TTC28: variants seen among roughly 807,000 people sequenced by gnomAD.
The protein encoded by TTC28 is tetratricopeptide repeat protein 28.
TTC28 carries 61 observed loss-of-function variants against 198.0 expected under a neutral mutation model. That is an observed-to-expected ratio of 0.31 (90% CI 0.25 to 0.38). The LOEUF (loss-of-function observed/expected upper bound fraction) is 0.38, where lower values mean the gene tolerates loss of function less well. Among genes scored for constraint, TTC28 ranks in the 10% least tolerant of loss-of-function variants. TTC28 has a pLI of 1.00. For synonymous variants in TTC28, 1,171 were observed against 1,297.8 expected (o/e 0.90, Z 2.10); for missense variants, 2,678 against 3,164.0 (o/e 0.85, Z 3.69).
chr22:28,420,085 A>G (rs2047224837), intron 2 of TTC28, among the ~76,000 whole-genome samples: 2 of 152,190 alleles, frequency 1.3e-5, no homozygotes, highest in Non-Finnish European at 2.9e-5. Context: ...CAGTGTTTGT[A>G]CAGCCCTTGT....
chr22:28,218,210 T>G (rs1164307918), intron 5 of TTC28, among the ~76,000 whole-genome samples: 1 of 152,228 alleles, frequency 6.6e-6, no homozygotes, highest in Non-Finnish European at 1.5e-5. Flanking sequence ...GCACTTTCAG[T>G]GGCTCTTTTG....
chr22:28,585,497 G>A (rs967145926), intron 2 of TTC28, among the ~76,000 whole-genome samples: 16 of 152,172 alleles, frequency 1.1e-4, no homozygotes, highest in African/African-American at 3.4e-4. Context: ...TAATGCAAGC[G>A]ATAGAGAGCG....
chr22:28,427,927 G>A (rs2047374359), intron 2 of TTC28, among the ~76,000 whole-genome samples: 1 of 152,044 alleles, frequency 6.6e-6, no homozygotes, highest in South Asian at 2.1e-4. Flanking sequence ...GACTCTCCAA[G>A]AGGGAGACAA....
At chr22:28,633,869 A>C (rs1187821118) in intron 1 of TTC28, among the ~76,000 whole-genome samples, 1 of 152,162 alleles carries the variant, frequency 6.6e-6, no homozygotes, top group African/African-American at 2.4e-5. Flanking sequence ...TGTGAATCTG[A>C]GAGGGGGAAA....
intron 2 of TTC28, among the ~76,000 whole-genome samples, chr22:28,460,700 T>C (rs1336930052): frequency 4.0e-5 from 6 of 150,146 alleles, no homozygotes; most frequent in African/African-American, 9.7e-5. Context: ...GGCAGGCAGA[T>C]TGAGATGGGG....
chr22:28,338,315 G>A (rs954840230), intron 2 of TTC28, among the ~76,000 whole-genome samples: 1 of 152,104 alleles, frequency 6.6e-6, no homozygotes, highest in Non-Finnish European at 1.5e-5. Flanking sequence ...ACAATTATGT[G>A]TCTTGGCATT....
chr22:28,592,719 T>C (rs1281023003), intron 2 of TTC28, among the ~76,000 whole-genome samples: 5 of 152,210 alleles, frequency 3.3e-5, no homozygotes, highest in Non-Finnish European at 7.3e-5. Context: ...GTGGACACTT[T>C]CCTTCATTGG....
intron 2 of TTC28, among the ~76,000 whole-genome samples, chr22:28,539,503 G>A (rs1173264705): frequency 6.6e-6 from 1 of 151,982 alleles, no homozygotes; most frequent in East Asian, 1.9e-4. Context: ...AGGCGTTGTG[G>A]CATGCACCTG....
chr22:28,294,699 G>A (rs536930780), intron 5 of TTC28, among the ~76,000 whole-genome samples: 8 of 152,086 alleles, frequency 5.3e-5, no homozygotes, highest in Admixed American at 2.6e-4. Flanking sequence ...CTCCCAAGTA[G>A]CTGGGATTAC....
chr22:28,415,561 T>G (rs537419293), intron 2 of TTC28, among the ~76,000 whole-genome samples: 2 of 152,344 alleles, frequency 1.3e-5, no homozygotes, highest in South Asian at 4.1e-4. Context: ...AATGTACTGC[T>G]TGACACTTTC....
chr22:28,522,556 A>G (rs932760607), intron 2 of TTC28, among the ~76,000 whole-genome samples: 4 of 151,492 alleles, frequency 2.6e-5, no homozygotes, highest in Admixed American at 2.6e-4. Context: ...GTAGAGGATT[A>G]AAATTGTAAA....
chr22:28,487,568 C>T (rs920218977), intron 2 of TTC28, among the ~76,000 whole-genome samples: 14 of 152,124 alleles, frequency 9.2e-5, no homozygotes. Context: ...AAGACCTCCA[C>T]AATCCCTAAC....
intron 2 of TTC28, among the ~76,000 whole-genome samples, chr22:28,582,183 A>G (rs2050242665): frequency 6.6e-6 from 1 of 152,162 alleles, no homozygotes; most frequent in South Asian, 2.1e-4. Flanking sequence ...CTAGTGCTGG[A>G]ACTTAGAATG....
At chr22:28,532,752 C>T (rs776413094) in intron 2 of TTC28, among the ~76,000 whole-genome samples, 34 of 152,290 alleles carry the variant, frequency 2.2e-4, no homozygotes, top group East Asian at 3.9e-4. Flanking sequence ...GCTGGTTCAA[C>T]ATACACAAAT....
intron 1 of TTC28, among the ~76,000 whole-genome samples, chr22:28,651,357 A>G (rs894373503): frequency 2.9e-4 from 43 of 148,536 alleles, no homozygotes; most frequent in African/African-American, 1.0e-3. Flanking sequence ...GCTGGAGTGC[A>G]GTGGCGTGAT....
At chr22:28,287,674 G>A (rs977842288) in intron 5 of TTC28, among the ~76,000 whole-genome samples, 1 of 152,156 alleles carries the variant, frequency 6.6e-6, no homozygotes, top group Admixed American at 6.5e-5. Flanking sequence ...CAGAGTAGTT[G>A]AAGAAAAGTA....
At chr22:28,031,856 C>A (rs538593784) in intron 12 of TTC28, among the ~76,000 whole-genome samples, 1 of 152,092 alleles carries the variant, frequency 6.6e-6, no homozygotes, top group South Asian at 2.1e-4. Flanking sequence ...GACTGCCCTC[C>A]CCAGTGTGAG....
At chr22:28,430,531 T>C (rs937089943) in intron 2 of TTC28, among the ~76,000 whole-genome samples, 1 of 152,102 alleles carries the variant, frequency 6.6e-6, no homozygotes, top group African/African-American at 2.4e-5. Context: ...GCAAACAAAA[T>C]GAGAATGGCA....
chr22:28,614,415 A>G (rs111858958), intron 2 of TTC28, among the ~76,000 whole-genome samples: 4 of 152,136 alleles, frequency 2.6e-5, no homozygotes, highest in African/African-American at 9.6e-5. Flanking sequence ...AGCTACCATT[A>G]ACTTTCTTCA....
Sources: allele counts gnomAD v4.1 joint callset (sites outside exome capture counted in the v4.1 genomes callset), GRCh38; gene constraint gnomAD v4.1.1; transcripts MANE v1.5; gene names NCBI Gene and HGNC (gene_info 2026-07-23, HGNC 2026-07-21).